The following IPCEF1 variants were observed in gnomAD, a reference collection of about 807,000 sequenced individuals.
IPCEF1 encodes interactor protein for cytohesin exchange factors 1.
A neutral mutation model predicts 50.9 loss-of-function variants in IPCEF1; 31 were observed. The observed-to-expected ratio is 0.61, with a 90% CI of 0.46 to 0.82. IPCEF1 has a LOEUF of 0.82. IPCEF1 is among the 40% of genes least tolerant of loss of function. The probability of loss-of-function intolerance (pLI) is 0.00; values close to 1 mark genes in which losing one functional copy is unlikely to be tolerated. For missense variants in IPCEF1, 458 were observed against 514.0 expected (o/e 0.89, Z 1.05); for synonymous variants, 181 against 192.0 (o/e 0.94, Z 0.47).
intron 11 of IPCEF1, among the ~76,000 whole-genome samples, chr6:154,161,683 A>T (rs189818782): frequency 6.6e-6 from 1 of 152,312 alleles, no homozygotes; most frequent in African/African-American, 2.4e-5. Context: ...TTTACGGGTA[A>T]GTCATGGCCC....
chr6:154,215,399 T>C (rs1251025818), intron 7 of IPCEF1, among the ~76,000 whole-genome samples: 3 of 151,914 alleles, frequency 2.0e-5, no homozygotes, highest in African/African-American at 7.3e-5. Flanking sequence ...AGGTCAGAAG[T>C]TCAAGACCAG....
intron 10 of IPCEF1, among the ~76,000 whole-genome samples, chr6:154,184,340 A>C (rs74847215): frequency 0.028 from 4,311 of 152,162 alleles, 206 homozygotes; most frequent in African/African-American, 0.098. Flanking sequence ...AGAATAAATA[A>C]TACTACTATA....
chr6:154,339,159 C>T (rs943465977), intron 1 of IPCEF1, among the ~76,000 whole-genome samples: 2 of 152,006 alleles, frequency 1.3e-5, no homozygotes, highest in Non-Finnish European at 2.9e-5. Context: ...CTGTGCTCCT[C>T]GGTGGCCATT....
intron 10 of IPCEF1, among the ~76,000 whole-genome samples, chr6:154,176,553 T>G (rs1241433520): frequency 6.6e-6 from 1 of 152,074 alleles, no homozygotes; most frequent in Non-Finnish European, 1.5e-5. Context: ...AAATCATGAG[T>G]GAACTCCCAT....
intron 2 of IPCEF1, among the ~76,000 whole-genome samples, chr6:154,270,429 T>C (rs1050379419): frequency 6.6e-6 from 1 of 152,200 alleles, no homozygotes. Context: ...AACTCTGTCA[T>C]TGTAGTAATA....
intron 2 of IPCEF1, among the ~76,000 whole-genome samples, chr6:154,289,371 A>T (rs1225672075): frequency 1.4e-5 from 2 of 147,546 alleles, no homozygotes; most frequent in Non-Finnish European, 3.0e-5. Flanking sequence ...CTAAACATGC[A>T]ATTGCTTGTA....
intron 5 of IPCEF1, among the ~76,000 whole-genome samples, chr6:154,237,428 C>G (rs1476835354): frequency 1.3e-5 from 2 of 152,322 alleles, no homozygotes; most frequent in African/African-American, 4.8e-5. Flanking sequence ...ATCATAGTCA[C>G]TGAGAAAAAC....
In IPCEF1 at chr6:154,156,742, T is replaced by G. The variant is rs574216953; in HGVS notation, c.*3086A>C. 1 of 152,324 alleles carries G rather than the reference T, an allele frequency of 6.6e-6. No homozygotes were observed. Among genetic ancestry groups the G allele is most frequent in the African/African-American group, 2.4e-5 (1 of 41,558 alleles). 9.4% of individuals were successfully genotyped at this position (152,324 alleles called of 1,614,324 possible). ...TGAGCTGTTGTGGCAAAACTAAGAATTCTTTAAAGCAAAAGACGCCCTTGC... is the reference window on the plus strand; with the variant it reads ...TGAGCTGTTGTGGCAAAACTAAGAAGTCTTTAAAGCAAAAGACGCCCTTGC... On this transcript the variant is annotated 3_prime_UTR_variant, in exon 12 of 12. Coordinates refer to ENST00000367220, the MANE Select transcript of IPCEF1 (RefSeq NM_001130700.2).
chr6:154,295,891 GCGTACACACACACACACACGCACA>G (rs1562583530), intron 1 of IPCEF1, among the ~76,000 whole-genome samples: 4 of 112,674 alleles, frequency 3.6e-5, no homozygotes, highest in African/African-American at 1.1e-4. Flanking sequence ...ACACACACAT[GCGTACACACACACACACACGCACA>G]CACACACACA....
chr6:154,166,488 C>T (rs1033317846), intron 11 of IPCEF1, among the ~76,000 whole-genome samples: 1 of 152,242 alleles, frequency 6.6e-6, no homozygotes, highest in African/African-American at 2.4e-5. Context: ...CCTTGAATGT[C>T]CTTCCCTTGG....
chr6:154,253,393 C>T (rs900917710), intron 3 of IPCEF1, among the ~76,000 whole-genome samples: 1 of 152,152 alleles, frequency 6.6e-6, no homozygotes, highest in African/African-American at 2.4e-5. Flanking sequence ...GAAGTAATAA[C>T]ATTAATGCAG....
chr6:154,237,159 A>G (rs1185087426), intron 5 of IPCEF1, among the ~76,000 whole-genome samples: 5 of 152,220 alleles, frequency 3.3e-5, no homozygotes, highest in Non-Finnish European at 5.9e-5. Flanking sequence ...TAAATCTTCA[A>G]ATAAAGACTT....
intron 1 of IPCEF1, among the ~76,000 whole-genome samples, chr6:154,352,129 A>G (rs1407422616): frequency 6.6e-6 from 1 of 152,234 alleles, no homozygotes; most frequent in East Asian, 1.9e-4. Context: ...TGCACACTGG[A>G]ACGTAAAGTA....
At chr6:154,352,944 T>C (rs1244608325) in intron 1 of IPCEF1, among the ~76,000 whole-genome samples, 2 of 152,242 alleles carry the variant, frequency 1.3e-5, no homozygotes, top group Admixed American at 6.5e-5. Context: ...AAATTGACTA[T>C]TGCATTTTTT....
chr6:154,183,665 G>A (rs780099286), intron 10 of IPCEF1, among the ~76,000 whole-genome samples: 8 of 152,068 alleles, frequency 5.3e-5, no homozygotes, highest in East Asian at 1.9e-4. Flanking sequence ...TTTTGAGGCC[G>A]AGGCAGGCAG....
intron 2 of IPCEF1, among the ~76,000 whole-genome samples, chr6:154,287,239 A>G (rs1044432580): frequency 6.7e-6 from 1 of 150,282 alleles, no homozygotes; most frequent in African/African-American, 2.5e-5. Context: ...TTCCACCATG[A>G]CTGTAAGTTT....
rs1041830776 is a variant in IPCEF1, at chr6:154,300,089, C to T, written c.-61-10333G>A. The stretch of plus-strand genomic sequence containing the variant: ...GAAGCATTTCTCCCATGACTGCGAA[C>T]GGTGTTTTGTCTTCCCTCCCAAAAG... On this transcript the variant is annotated intron_variant, in intron 1 of 11. Transcript: ENST00000367220. 9.2e-5 allele frequency among the ~76,000 whole-genome samples: 13 copies of T among 141,002 alleles called. 3 individuals are homozygous for T. The highest frequency in any genetic ancestry group is 1.5e-4 in the African/African-American group (6 of 39,462). The allele number at this position is 141,002 out of a possible 152,430, so 92.5% of individuals were successfully genotyped here.
chr6:154,202,625 T>C (rs1777162475), intron 9 of IPCEF1, among the ~76,000 whole-genome samples: 1 of 152,218 alleles, frequency 6.6e-6, no homozygotes, highest in Non-Finnish European at 1.5e-5. Flanking sequence ...ACTGGGCTAT[T>C]TGAACAACAG....
chr6:154,251,355 G>A (rs1261756792), intron 3 of IPCEF1, among the ~76,000 whole-genome samples: 1 of 152,118 alleles, frequency 6.6e-6, no homozygotes, highest in Non-Finnish European at 1.5e-5. Flanking sequence ...CTCAAAACTG[G>A]CCTGGACAAC....
Sources: allele counts gnomAD v4.1 joint callset (sites outside exome capture counted in the v4.1 genomes callset), GRCh38; gene constraint gnomAD v4.1.1; transcripts MANE v1.5; gene names NCBI Gene and HGNC (gene_info 2026-07-23, HGNC 2026-07-21).